The following SLC6A9 variants were observed in gnomAD, a reference collection of about 807,000 sequenced individuals.
SLC6A9 encodes the protein solute carrier family 6 member 9.
SLC6A9 carries 31 observed loss-of-function variants against 70.9 expected under a neutral mutation model. The ratio of observed to expected loss-of-function variants is 0.44; its 90% confidence interval spans 0.33 to 0.59. SLC6A9 has a LOEUF of 0.59. Ranked by LOEUF, SLC6A9 falls within the 20% of genes least tolerant of loss-of-function variation. SLC6A9 has a pLI of 0.04. For synonymous variants in SLC6A9, 310 were observed against 341.3 expected (o/e 0.91, Z 1.01); for missense variants, 631 against 845.2 (o/e 0.75, Z 3.14).
chr1:44,023,861 C>A (rs980633312), intron 2 of SLC6A9, among the ~76,000 whole-genome samples: 12 of 152,178 alleles, frequency 7.9e-5, no homozygotes, highest in African/African-American at 2.9e-4. Flanking sequence ...ACTTTTCAGA[C>A]TGAGAAGGAC....
In SLC6A9 at chr1:44,013,688, G is replaced by A. The variant is rs1398246752; in HGVS notation, c.31-2806C>T. On this transcript the variant is annotated intron_variant, in intron 2 of 13. Coordinates refer to ENST00000372310, the MANE Select transcript of SLC6A9 (RefSeq NM_001024845.3). This position sits in a 1 kb window ranked among gnomAD's most constrained non-coding sequence, Gnocchi z 5.3. Reference sequence around the variant, plus strand: ...ACTCCAGGGCTGTCTACGCTCAGGTGGCTTGGCTGGGGAGGGCTGAGCTCT... The same window carrying A: ...ACTCCAGGGCTGTCTACGCTCAGGTAGCTTGGCTGGGGAGGGCTGAGCTCT... Among the ~76,000 whole-genome samples the A allele has an allele frequency of 1.3e-5, 2 of 152,116 alleles. No homozygotes were observed. Among genetic ancestry groups the A allele is most frequent in the Admixed American group, 6.5e-5 (1 of 15,276 alleles).
At chr1:43,998,291 C>T (rs999124245) in intron 12 of SLC6A9, among the ~76,000 whole-genome samples, 6 of 152,216 alleles carry the variant, frequency 3.9e-5, no homozygotes, top group Non-Finnish European at 7.3e-5. Context: ...GAGCTGCTGC[C>T]GCCTTTGGAA....
chr1:44,026,834 G>A (rs923124196), intron 1 of SLC6A9, among the ~76,000 whole-genome samples: 3 of 152,284 alleles, frequency 2.0e-5, no homozygotes, highest in East Asian at 1.9e-4. Context: ...AGACAGACTC[G>A]GAGAGGTCAC....
chr1:44,012,078 C>T (rs1475498185), intron 2 of SLC6A9, among the ~76,000 whole-genome samples: 1 of 152,178 alleles, frequency 6.6e-6, no homozygotes, highest in Non-Finnish European at 1.5e-5. Flanking sequence ...CTGAGAGAAA[C>T]AGACAGACCT....
chr1:44,023,471 C>T (rs1264315466), intron 2 of SLC6A9, among the ~76,000 whole-genome samples: 2 of 151,966 alleles, frequency 1.3e-5, no homozygotes, highest in African/African-American at 4.8e-5. Flanking sequence ...GGTGAAACCC[C>T]GTCTCTACTA....
intron 2 of SLC6A9, among the ~76,000 whole-genome samples, chr1:44,014,198 G>A (rs1016062483): frequency 8.6e-5 from 13 of 151,850 alleles, no homozygotes; most frequent in African/African-American, 2.4e-4. Flanking sequence ...AAACCATAGC[G>A]GCATGGTTCC....
intron 12 of SLC6A9, 92 bp downstream of exon 12, chr1:44,000,675 G>A (rs1017267490): frequency 6.1e-6 from 5 of 816,986 alleles, no homozygotes; most frequent in East Asian, 2.5e-5. Context: ...GGCCAGGTGC[G>A]GGAGCTCCCA....
rs2248253 is a variant in SLC6A9 at position 43,997,498 on chromosome 1, G to C, written c.*47C>G. On this transcript the variant is annotated 3_prime_UTR_variant, in exon 14 of 14. Coordinates refer to ENST00000372310, the MANE Select transcript of SLC6A9 (RefSeq NM_001024845.3). The surrounding 1 kb of genome is among the most constrained non-coding windows in gnomAD (Gnocchi z 4.4). ...TGGCCTCTGCCTCACCAGTCTCTGC[G>C]GTGGGAGCACGGGGTGGGGGTGGGG... is the stretch of plus-strand genomic sequence containing the variant. 6.4e-7 allele frequency: 1 copy of C among 1,550,412 alleles called. No homozygotes were observed. The highest frequency in any genetic ancestry group is 2.2e-5 in the East Asian group (1 of 44,568).
At chr1:43,998,102 C>A in intron 12 of SLC6A9, 77 bp from the exon 13 acceptor site, 2 of 1,355,712 alleles carry the variant, frequency 1.5e-6, no homozygotes, top group Non-Finnish European at 2.0e-6. Flanking sequence ...TACCAGCACC[C>A]TTTCCTCTCT....
chr1:44,011,077 G>A (rs756060849), intron 2 of SLC6A9, among the ~76,000 whole-genome samples, 195 bp from the exon 3 acceptor site: 7 of 152,238 alleles, frequency 4.6e-5, no homozygotes, highest in Admixed American at 3.9e-4. Flanking sequence ...GCGCCAAGCA[G>A]AGCTTCCCTC....
chr1:44,030,217 C>T (rs1169704738), intron 1 of SLC6A9, among the ~76,000 whole-genome samples: 1 of 152,194 alleles, frequency 6.6e-6, no homozygotes, highest in African/African-American at 2.4e-5. Flanking sequence ...AAGTGGGGCG[C>T]GTCCGCTTTA....
intron 1 of SLC6A9, among the ~76,000 whole-genome samples, chr1:44,028,844 C>T (rs771013393): frequency 6.6e-5 from 10 of 151,816 alleles, no homozygotes; most frequent in Non-Finnish European, 2.9e-5. Context: ...AGGAGCCAGG[C>T]CAAAAATGAA....
Position 44,024,367 on chromosome 1 carries a change from G to C in SLC6A9, c.-85-5C>G. ...TCAGGCCACAGATCTCAAGAGCTGT[G>C]GAGAGAGCAGAGGGTGAGGTGAGGA... On this transcript the variant is annotated splice_polypyrimidine_tract_variant and splice_region_variant and intron_variant, in intron 1 of 13. Coordinates refer to ENST00000372310, the MANE Select transcript of SLC6A9 (RefSeq NM_001024845.3). The C allele has an allele frequency of 6.6e-7, 1 of 1,516,736 alleles. No homozygotes were observed. Among genetic ancestry groups the C allele is most frequent in the Non-Finnish European group, 9.2e-7 (1 of 1,091,670 alleles). 94.0% of individuals were successfully genotyped at this position (1,516,736 alleles called of 1,614,324 possible). A position where few individuals can be genotyped will look rare whatever the true frequency, so the allele number is the denominator to read the frequency against.
intron 2 of SLC6A9, among the ~76,000 whole-genome samples, chr1:44,015,268 C>A (rs1162230021): frequency 6.6e-6 from 1 of 152,230 alleles, no homozygotes; most frequent in Non-Finnish European, 1.5e-5. Context: ...CAGCTCTCCA[C>A]CCTGGACGGT....
Position 44,006,318 on chromosome 1 carries a change from T to C in SLC6A9, c.590+2035A>G, listed in dbSNP as rs560833497. Among the ~76,000 whole-genome samples, 12 of 152,266 alleles carry C rather than the reference T, an allele frequency of 7.9e-5. No homozygotes were observed. In the East Asian group the frequency reaches 2.1e-3, roughly 27 times the overall value. ...TGCTCAAGAAATCAGCTGGGTGTGG[T>C]GGCTCATGCCTGTAACCCCAGCACT... On this transcript the variant is annotated intron_variant, in intron 5 of 13. Transcript: ENST00000372310.
Position 44,002,247 on chromosome 1 carries a change from G to T in SLC6A9, c.962+66C>A. On this transcript the variant is annotated intron_variant, in intron 8 of 13. Coordinates refer to ENST00000372310, the MANE Select transcript of SLC6A9 (RefSeq NM_001024845.3). The surrounding 1 kb of genome is among the most constrained non-coding windows in gnomAD (Gnocchi z 5.5). ...GGCCTCGTGGGCCCATGGCTGCACT[G>T]GAGCTGAGATCAGGCTGCAGAGAGT... The T allele has an allele frequency of 1.7e-6, 2 of 1,154,600 alleles. No individual in the cohort carries two copies. Among genetic ancestry groups the T allele is most frequent in the South Asian group, 1.2e-5 (1 of 81,478 alleles). 71.5% of individuals were successfully genotyped at this position (1,154,600 alleles called of 1,614,324 possible). A position where few individuals can be genotyped will look rare whatever the true frequency, so the allele number is the denominator to read the frequency against.
chr1:44,001,157 C>G lies in SLC6A9; in HGVS notation c.1335+7G>C. On this transcript the variant is annotated splice_region_variant and intron_variant, in intron 10 of 13. Transcript: ENST00000372310. Reference sequence around the variant, plus strand: ...CTGGGCCAGCCCTTCCCTTACGCAGCTCTTACCTGGCTGGTGAGGGGGATG... The same window carrying G: ...CTGGGCCAGCCCTTCCCTTACGCAGGTCTTACCTGGCTGGTGAGGGGGATG... The G allele has an allele frequency of 6.2e-7, 1 of 1,614,230 alleles. No homozygotes were observed. Among genetic ancestry groups the G allele is most frequent in the Non-Finnish European group, 8.5e-7 (1 of 1,180,038 alleles).
intron 1 of SLC6A9, among the ~76,000 whole-genome samples, chr1:44,025,491 C>CA (rs924105808): frequency 0.088 from 8,185 of 93,088 alleles, 705 homozygotes; most frequent in African/African-American, 0.25. Flanking sequence ...GGTTCCGTCT[C>CA]AAAAAAAAAA....
In SLC6A9 at chr1:44,001,471, C is replaced by T. The variant is rs2154304521; in HGVS notation, c.1119G>A (p.Glu373=). The stretch of plus-strand genomic sequence containing the variant: ...GGGAGATGGGAAGTAGTGTGAGGGC[C>T]TCGGGGTAAGCCACGAAGGCCAGGC... The part of the protein sequence containing the change: ...GPGLAFVAYP[E]ALTLLPISPL... The change falls in exon 9 of 14, where the codon GAG becomes GAA. Residue 373 remains glutamate, a synonymous_variant. Coordinates refer to ENST00000372310, the MANE Select transcript of SLC6A9 (RefSeq NM_001024845.3). 2 of 1,614,218 alleles carry T rather than the reference C, an allele frequency of 1.2e-6. No homozygotes were observed. The highest frequency in any genetic ancestry group is 1.7e-6 in the Non-Finnish European group (2 of 1,180,042).
Sources: allele counts gnomAD v4.1 joint callset (sites outside exome capture counted in the v4.1 genomes callset), GRCh38; gene constraint gnomAD v4.1.1; non-coding constraint Gnocchi (gnomAD v3.1); transcripts MANE v1.5; gene names NCBI Gene and HGNC (gene_info 2026-07-23, HGNC 2026-07-21).